NCKAP5: variants seen among roughly 807,000 people sequenced by gnomAD.
NCKAP5 encodes nck-associated protein 5.
NCKAP5 carries 92 observed loss-of-function variants against 167.0 expected under a neutral mutation model. The ratio of observed to expected loss-of-function variants is 0.55; its 90% CI spans 0.47 to 0.66. NCKAP5 has a LOEUF of 0.66. NCKAP5 is among the 30% of genes least tolerant of loss of function. The pLI is 0.00. For missense variants in NCKAP5, 2,378 were observed against 2,315.0 expected, an observed-to-expected ratio of 1.03 and a Z score of -0.56; for synonymous variants, 891 against 877.4, an observed-to-expected ratio of 1.02 and a Z score of -0.27.
intron 4 of NCKAP5, among the ~76,000 whole-genome samples, chr2:133,218,540 C>A (rs2086527935): frequency 6.6e-6 from 1 of 152,142 alleles, no homozygotes; most frequent in African/African-American, 2.4e-5. Flanking sequence ...GTCCCAGGAC[C>A]AAACTTTGAG....
intron 3 of NCKAP5, among the ~76,000 whole-genome samples, chr2:133,361,160 C>T (rs1157674314): frequency 2.6e-5 from 4 of 152,058 alleles, no homozygotes; most frequent in Non-Finnish European, 5.9e-5. Context: ...CACCAGCCCA[C>T]AACCAATGTA....
chr2:133,195,177 GACA>G (rs1382802653), intron 5 of NCKAP5, among the ~76,000 whole-genome samples: 2 of 152,094 alleles, frequency 1.3e-5, no homozygotes, highest in Non-Finnish European at 2.9e-5. Context: ...TGTGTGCCAG[GACA>G]ACATGAATGA....
chr2:132,999,478 T>A (rs2077709123), intron 6 of NCKAP5, among the ~76,000 whole-genome samples: 1 of 152,164 alleles, frequency 6.6e-6, no homozygotes, highest in Non-Finnish European at 1.5e-5. Flanking sequence ...TTCCAGTGTC[T>A]CAAGAGCTGG....
At chr2:132,860,896 T>C (rs1689853253) in intron 10 of NCKAP5, among the ~76,000 whole-genome samples, 1 of 152,200 alleles carries the variant, frequency 6.6e-6, no homozygotes, top group African/African-American at 2.4e-5. Context: ...ATGAAGTCAA[T>C]TTAAGTTTCC....
intron 3 of NCKAP5, among the ~76,000 whole-genome samples, chr2:133,328,209 T>C (rs1682585895): frequency 1.3e-5 from 2 of 152,134 alleles, no homozygotes; most frequent in African/African-American, 2.4e-5. Flanking sequence ...TCGTGTTGAT[T>C]TATAGGAGTG....
chr2:132,791,430 A>G (rs1228146823), intron 12 of NCKAP5, among the ~76,000 whole-genome samples: 1 of 152,206 alleles, frequency 6.6e-6, no homozygotes, highest in Non-Finnish European at 1.5e-5. Context: ...TGACAAATAA[A>G]GCTGTAAACC....
intron 3 of NCKAP5, among the ~76,000 whole-genome samples, chr2:133,491,718 T>C (rs1004168221): frequency 2.6e-5 from 4 of 152,034 alleles, no homozygotes; most frequent in African/African-American, 9.7e-5. Context: ...GCTAAGGAGA[T>C]GGGAGCATAG....
chr2:132,833,946 A>G (rs1365416722), intron 11 of NCKAP5, among the ~76,000 whole-genome samples: 1 of 152,150 alleles, frequency 6.6e-6, no homozygotes, highest in Non-Finnish European at 1.5e-5. Flanking sequence ...AGATTAGGGT[A>G]GTATGGTTAT....
chr2:133,046,363 C>A (rs928890115), intron 6 of NCKAP5, among the ~76,000 whole-genome samples: 6 of 151,954 alleles, frequency 3.9e-5, no homozygotes, highest in Non-Finnish European at 8.8e-5. Context: ...CCCTCCAATT[C>A]AGATTTTTAT....
chr2:133,169,078 G>GA (rs1420605444), intron 5 of NCKAP5, among the ~76,000 whole-genome samples: 1 of 152,086 alleles, frequency 6.6e-6, no homozygotes, highest in Non-Finnish European at 1.5e-5. Context: ...GACTATACAG[G>GA]AAAAATATAC....
At chr2:132,956,066 C>T (rs971848473) in intron 8 of NCKAP5, among the ~76,000 whole-genome samples, 1 of 152,054 alleles carries the variant, frequency 6.6e-6, no homozygotes, top group Non-Finnish European at 1.5e-5. Context: ...TTACACATCT[C>T]AAAATTGCTA....
At chr2:133,038,572 G>T (rs1422234903) in intron 6 of NCKAP5, among the ~76,000 whole-genome samples, 1 of 152,024 alleles carries the variant, frequency 6.6e-6, no homozygotes, top group Non-Finnish European at 1.5e-5. Flanking sequence ...TCAACAGAAG[G>T]ACTATAGTCA....
intron 19 of NCKAP5, among the ~76,000 whole-genome samples, chr2:132,715,680 G>A (rs1420245661): frequency 6.6e-6 from 1 of 152,198 alleles, no homozygotes; most frequent in Non-Finnish European, 1.5e-5. Context: ...ACTTCAGACA[G>A]TCAGTGTCTC....
chr2:132,837,126 G>C (rs892757922), intron 11 of NCKAP5, among the ~76,000 whole-genome samples: 4 of 152,148 alleles, frequency 2.6e-5, no homozygotes, highest in Non-Finnish European at 4.4e-5. Context: ...TCAGTTTGTA[G>C]TTCCTATTTC....
intron 8 of NCKAP5, among the ~76,000 whole-genome samples, chr2:132,891,036 T>G (rs1162574568): frequency 6.6e-6 from 1 of 152,192 alleles, no homozygotes; most frequent in African/African-American, 2.4e-5. Flanking sequence ...TAAAATGAAG[T>G]CTTTGTTTAA....
In NCKAP5 at chr2:133,262,617, G is replaced by A. The variant is rs139127994; in HGVS notation, c.143+40420C>T. Among the ~76,000 whole-genome samples the A allele has an allele frequency of 4.6e-5, 7 of 152,304 alleles. No individual in the cohort carries two copies. The South Asian group carries it at 6.2e-4, about 14-fold the overall frequency. ...ATTAGGAGAAAGAGGATGGAAGGGC[G>A]TAATATCCAGGAAGCAATCCCCGTC... is the stretch of plus-strand genomic sequence containing the variant. On this transcript the variant is annotated intron_variant, in intron 4 of 19. Transcript: ENST00000409261.
intron 4 of NCKAP5, among the ~76,000 whole-genome samples, chr2:133,276,849 A>T (rs2089750046): frequency 6.6e-6 from 1 of 152,272 alleles, no homozygotes; most frequent in Middle Eastern, 3.4e-3. Flanking sequence ...GCCAAGTGAC[A>T]TTTAATCCAG....
intron 3 of NCKAP5, among the ~76,000 whole-genome samples, chr2:133,505,433 G>A (rs1340141213): frequency 1.3e-5 from 2 of 152,142 alleles, no homozygotes; most frequent in Non-Finnish European, 2.9e-5. Context: ...TTCCTTCCAT[G>A]TACAGACAAA....
chr2:133,060,835 ATT>A (rs1315277655), intron 6 of NCKAP5, among the ~76,000 whole-genome samples: 9 of 152,048 alleles, frequency 5.9e-5, no homozygotes, highest in Non-Finnish European at 1.2e-4. Flanking sequence ...ATATCTTATA[ATT>A]TTTTTGTGAC....
Sources: gnomAD v4.1 joint callset for allele counts (sites outside exome capture counted in the v4.1 genomes callset) on GRCh38, gnomAD v4.1.1 for gene constraint, MANE v1.5 for transcripts, NCBI Gene and HGNC (gene_info 2026-07-23, HGNC 2026-07-21) for gene names.